The following CBX1 variants were observed in gnomAD, a reference collection of about 807,000 sequenced individuals.
CBX1 encodes the protein chromobox protein homolog 1.
Under a neutral mutation model 25.1 loss-of-function variants are expected in CBX1, and 10 were observed. The ratio of observed to expected loss-of-function variants is 0.40; its 90% confidence interval spans 0.25 to 0.68. The LOEUF is 0.68. CBX1 is among the 30% of genes least tolerant of loss of function. The pLI is 0.40. For missense variants in CBX1, 106 were observed against 218.5 expected (o/e 0.49, Z 3.25); for synonymous variants, 63 against 79.4 (o/e 0.79, Z 1.10).
intron 4 of CBX1, 77 bp downstream of exon 4, chr17:48,074,929 G>T: frequency 9.8e-7 from 1 of 1,021,868 alleles, no homozygotes; most frequent in Non-Finnish European, 1.5e-6. Flanking sequence ...AATTTCGAAG[G>T]TCCAGCTCTT....
chr17:48,084,122 C>T (rs1441274462), intron 1 of CBX1, among the ~76,000 whole-genome samples: 2 of 149,612 alleles, frequency 1.3e-5, no homozygotes, highest in Non-Finnish European at 2.9e-5. Context: ...CAGGCTTGTA[C>T]CACCAAACCT....
At chr17:48,083,811 C>T (rs2037760257) in intron 1 of CBX1, among the ~76,000 whole-genome samples, 1 of 149,860 alleles carries the variant, frequency 6.7e-6, no homozygotes, top group South Asian at 2.1e-4. Context: ...GCGACAAAAG[C>T]GAAACTCCAT....
At chr17:48,081,765 T>G (rs1166020844) in intron 1 of CBX1, among the ~76,000 whole-genome samples, 3 of 152,102 alleles carry the variant, frequency 2.0e-5, no homozygotes, top group Admixed American at 6.6e-5. Context: ...TTAAGTACTG[T>G]CTTAAGAGCA....
intron 1 of CBX1, among the ~76,000 whole-genome samples, chr17:48,090,470 G>C: frequency 6.6e-6 from 1 of 151,974 alleles, no homozygotes; most frequent in Admixed American, 6.6e-5. Context: ...CTAAATCCTG[G>C]TAATTTTATA....
At chr17:48,080,952 ATATATATATATATATATAT>A (rs1166134084) in intron 1 of CBX1, among the ~76,000 whole-genome samples, 15 of 8,958 alleles carry the variant, frequency 1.7e-3, no homozygotes, top group Non-Finnish European at 2.5e-3. Context: ...AAAAAAAAAA[ATATATATATATATATATAT>A]ATATATATAT....
chr17:48,079,079 G>T (rs145222498), intron 1 of CBX1, among the ~76,000 whole-genome samples: 1 of 151,530 alleles, frequency 6.6e-6, no homozygotes, highest in South Asian at 2.1e-4. Context: ...TTACAGGCGT[G>T]AGCCACCGAA....
Position 48,095,496 on chromosome 17 carries a change from G to A in CBX1, c.-38+5772C>T, listed in dbSNP as rs188442022. ...CCCAGCTACCTGGGAGGCTGAGGTT[G>A]CGGTGAGCTGAGATTGCACCATTGC... On this transcript the variant is annotated intron_variant, in intron 1 of 4. Coordinates refer to ENST00000225603, the MANE Select transcript of CBX1 (RefSeq NM_001127228.2). 2.7e-3 allele frequency among the ~76,000 whole-genome samples: 407 copies of A among 152,292 alleles called. 3 individuals carry two copies. In the Middle Eastern group the frequency reaches 0.031, roughly 11 times the overall value.
At position 48,070,315 on chromosome 17, in the gene CBX1, A is replaced by G. The variant is rs1401576288; in HGVS notation, c.*1120T>C. 6.6e-6 allele frequency: 1 copy of G among 152,646 alleles called. No homozygotes were observed. Among genetic ancestry groups the G allele is most frequent in the Non-Finnish European group, 1.5e-5 (1 of 68,042 alleles). 9.5% of individuals were successfully genotyped at this position (152,646 alleles called of 1,614,324 possible). On this transcript the variant is annotated 3_prime_UTR_variant, in exon 5 of 5. Transcript: ENST00000225603. ...GTGTTTTAAAGTGAACCACTGCCCAATATGAAAGTTTAATCTTCTCCTGAG... is the reference window on the plus strand; with the variant it reads ...GTGTTTTAAAGTGAACCACTGCCCAGTATGAAAGTTTAATCTTCTCCTGAG...
chr17:48,097,125 C>T (rs2063379608), intron 1 of CBX1, among the ~76,000 whole-genome samples: 2 of 151,640 alleles, frequency 1.3e-5, no homozygotes, highest in Admixed American at 6.6e-5. Flanking sequence ...TGGTGGCAGG[C>T]GCCTGTAATT....
intron 1 of CBX1, among the ~76,000 whole-genome samples, chr17:48,080,971 TATATATATATATATATATATATAA>T (rs1326302335): frequency 0.015 from 1,176 of 77,248 alleles, 13 homozygotes; most frequent in Non-Finnish European, 0.019. Flanking sequence ...TATATATATA[TATATATATATATATATATATATAA>T]AATTTGTCTT....
At chr17:48,086,072 A>G (rs1328345206) in intron 1 of CBX1, among the ~76,000 whole-genome samples, 1 of 152,184 alleles carries the variant, frequency 6.6e-6, no homozygotes, top group African/African-American at 2.4e-5. Flanking sequence ...CTCTGTCTCA[A>G]TAAAAAACAA....
At chr17:48,082,569 C>T (rs1414367928) in intron 1 of CBX1, among the ~76,000 whole-genome samples, 1 of 144,512 alleles carries the variant, frequency 6.9e-6, no homozygotes, top group Non-Finnish European at 1.5e-5. Flanking sequence ...GAGATGGAGT[C>T]TCTGTCGCCC....
intron 1 of CBX1, among the ~76,000 whole-genome samples, chr17:48,082,523 A>ATACTCTC (rs2037749654): frequency 8.9e-5 from 12 of 135,494 alleles, no homozygotes; most frequent in African/African-American, 3.6e-4. Flanking sequence ...AAAAAAAAAA[A>ATACTCTC]AAGGAAAAAT....
chr17:48,079,213 C>A (rs1219545238), intron 1 of CBX1, among the ~76,000 whole-genome samples: 2 of 152,096 alleles, frequency 1.3e-5, no homozygotes, highest in Non-Finnish European at 2.9e-5. Context: ...TCAAGTGATT[C>A]TTTTGCCTCA....
chr17:48,079,090 C>G (rs2037706709), intron 1 of CBX1, among the ~76,000 whole-genome samples: 1 of 151,630 alleles, frequency 6.6e-6, no homozygotes, highest in Non-Finnish European at 1.5e-5. Context: ...AGCCACCGAA[C>G]CCAGCTCCAG....
At chr17:48,086,434 C>CT (rs2144451552) in intron 1 of CBX1, among the ~76,000 whole-genome samples, 1 of 152,314 alleles carries the variant, frequency 6.6e-6, no homozygotes, top group Non-Finnish European at 1.5e-5. Flanking sequence ...ATGCTAGGAA[C>CT]TTCCACGATT....
intron 3 of CBX1, 135 bp from the exon 4 acceptor site, chr17:48,075,235 C>T: frequency 1.6e-6 from 1 of 636,634 alleles, no homozygotes; most frequent in Non-Finnish European, 2.8e-6. Flanking sequence ...CACTCTGTCG[C>T]CCAGGCTGGA....
rs778653698 is a variant in CBX1 at position 48,071,605 on chromosome 17, T to C, written c.414-26A>G. 18 of 1,571,484 alleles carry C rather than the reference T, an allele frequency of 1.1e-5. No homozygotes were observed. The African/African-American group carries it at 1.6e-4, about 14-fold the overall frequency. ...CTGCAGAATAAAGCAAAGAGAGACT[T>C]TGAGACCAGGTGCTGGTGGTCTATC... On this transcript the variant is annotated intron_variant, in intron 4 of 4. Coordinates refer to ENST00000225603, the MANE Select transcript of CBX1 (RefSeq NM_001127228.2).
chr17:48,096,458 A>T, intron 1 of CBX1: 1 of 803,660 alleles, frequency 1.2e-6, no homozygotes, highest in Non-Finnish European at 1.5e-6. Flanking sequence ...CAGAATTATG[A>T]CTACATTGGA....
Sources: gnomAD v4.1 joint callset for allele counts (sites outside exome capture counted in the v4.1 genomes callset) on GRCh38, gnomAD v4.1.1 for gene constraint, MANE v1.5 for transcripts, NCBI Gene and HGNC (gene_info 2026-07-23, HGNC 2026-07-21) for gene names.